The following SHISA9 variants were observed in gnomAD, a reference collection of about 807,000 sequenced individuals.
SHISA9 encodes the protein shisa family member 9.
A neutral mutation model predicts 38.0 loss-of-function variants in SHISA9; 13 were observed. That is an observed-to-expected ratio of 0.34 (90% CI 0.22 to 0.54). The LOEUF (loss-of-function observed/expected upper bound fraction) is 0.54. Ranked by LOEUF, SHISA9 falls within the 20% of genes least tolerant of loss-of-function variation. SHISA9 has a pLI of 0.91. For synonymous variants in SHISA9, 275 were observed against 242.0 expected, an observed-to-expected ratio of 1.14 and a Z score of -1.27; for missense variants, 538 against 575.8, an observed-to-expected ratio of 0.93 and a Z score of 0.67.
chr16:13,273,622 T>C, the SHISA9 span, among the ~76,000 whole-genome samples: 3 of 152,134 alleles, frequency 2.0e-5, no homozygotes, highest in African/African-American at 7.2e-5. Context: ...TTGCCCAGTA[T>C]TGGGTATGTC....
At chr16:12,965,673 C>T (rs1300158724) in intron 2 of SHISA9, among the ~76,000 whole-genome samples, 1 of 152,160 alleles carries the variant, frequency 6.6e-6, no homozygotes, top group Admixed American at 6.5e-5. Flanking sequence ...GTTTACTCCC[C>T]CTCCCACATC....
the SHISA9 span, among the ~76,000 whole-genome samples, chr16:13,351,222 AC>A: frequency 2.0e-5 from 3 of 152,116 alleles, no homozygotes; most frequent in Admixed American, 6.5e-5. Context: ...CTAGTCCCTT[AC>A]CTACACTGCC....
At chr16:13,243,175 G>A (rs2051447328), downstream of SHISA9, among the ~76,000 whole-genome samples, 1 of 151,852 alleles carries the variant, frequency 6.6e-6, no homozygotes, top group Non-Finnish European at 1.5e-5. Flanking sequence ...GGGAGGCAGA[G>A]TTTGCAGTGA....
intron 2 of SHISA9, among the ~76,000 whole-genome samples, chr16:13,065,461 G>C (rs2073423408): frequency 1.3e-5 from 2 of 152,198 alleles, no homozygotes. Flanking sequence ...TTTAGGGCAT[G>C]ACAAACTGAA....
At chr16:12,919,088 G>A (rs2071295104) in intron 2 of SHISA9, among the ~76,000 whole-genome samples, 1 of 152,158 alleles carries the variant, frequency 6.6e-6, no homozygotes, top group Non-Finnish European at 1.5e-5. Flanking sequence ...GATGATTTGA[G>A]GAGTGCATTG....
chr16:13,363,043 C>T, the SHISA9 span, among the ~76,000 whole-genome samples: 3 of 152,184 alleles, frequency 2.0e-5, no homozygotes, highest in Non-Finnish European at 4.4e-5. Flanking sequence ...TCATTGAACT[C>T]AGAAAACTAG....
chr16:13,070,719 C>A (rs1378617777), intron 2 of SHISA9, among the ~76,000 whole-genome samples: 1 of 152,088 alleles, frequency 6.6e-6, no homozygotes, highest in Non-Finnish European at 1.5e-5. Flanking sequence ...CATTAGCAAA[C>A]CTATGCAGTT....
At chr16:13,224,177 G>C (rs1282380405) in intron 4 of SHISA9, among the ~76,000 whole-genome samples, 1 of 152,190 alleles carries the variant, frequency 6.6e-6, no homozygotes. Context: ...ATTGACAAGA[G>C]TGGGGAAATA....
At chr16:13,300,441 T>C in the SHISA9 span, among the ~76,000 whole-genome samples, 1 of 152,202 alleles carries the variant, frequency 6.6e-6, no homozygotes, top group South Asian at 2.1e-4. Context: ...TATTCCTGCA[T>C]TTCCCTCGAC....
chr16:13,286,479 G>A, the SHISA9 span, among the ~76,000 whole-genome samples: 220 of 152,214 alleles, frequency 1.4e-3, no homozygotes, highest in Non-Finnish European at 1.8e-3. Context: ...ACAGTCAAGA[G>A]CCCGCATAAA....
At chr16:12,916,322 G>C (rs2071256490) in intron 1 of SHISA9, among the ~76,000 whole-genome samples, 1 of 152,042 alleles carries the variant, frequency 6.6e-6, no homozygotes, top group South Asian at 2.1e-4. Flanking sequence ...ACTAATACTG[G>C]GCCATTGCTG....
At chr16:13,309,291 G>C in the SHISA9 span, among the ~76,000 whole-genome samples, 1 of 152,096 alleles carries the variant, frequency 6.6e-6, no homozygotes, top group African/African-American at 2.4e-5. Context: ...AACCACCATA[G>C]CACACGTTTA....
chr16:13,013,943 A>G (rs1334948854), intron 2 of SHISA9, among the ~76,000 whole-genome samples: 1 of 151,958 alleles, frequency 6.6e-6, no homozygotes, highest in Non-Finnish European at 1.5e-5. Flanking sequence ...GTTAGCCAGG[A>G]TGGTCTCGAT....
At chr16:13,562,798 T>C in the SHISA9 span, 49 of 152,220 alleles carry the variant, frequency 3.2e-4, no homozygotes, top group African/African-American at 1.1e-3. Context: ...TCCACCAGAC[T>C]GTTGGATGCA....
chr16:12,970,814 G>A (rs933792431), intron 2 of SHISA9, among the ~76,000 whole-genome samples: 7 of 151,874 alleles, frequency 4.6e-5, no homozygotes, highest in Non-Finnish European at 5.9e-5. Flanking sequence ...GTGAGCCACC[G>A]CGCCTGGCCG....
chr16:12,938,102 G>T (rs1372610897), intron 2 of SHISA9, among the ~76,000 whole-genome samples: 1 of 152,210 alleles, frequency 6.6e-6, no homozygotes, highest in Non-Finnish European at 1.5e-5. Context: ...TGATTCTTAT[G>T]AGGCCATGGC....
chr16:13,235,305 A>C lies in SHISA9; in HGVS notation c.1171A>C (p.Thr391Pro), dbSNP rs750463303. ...TTACAGCAACAAGGGCAAGCTTGGC[A>C]CGGCCGAGACAGGCTCCAGCGACCC... ...QAYSNKGKLG[T>P]AETGSSDPLG... is the part of the protein sequence containing the mutation. The change falls in exon 5 of 5, where the codon ACG (threonine) becomes CCG (proline). Residue 391 changes from threonine (T) to proline (P), a missense_variant. Thr to Pro is a conservative substitution (Grantham distance 38). This residue lies in a region of SHISA9 where 326 missense variants were observed against 305.9 expected (regional missense o/e 1.07). Transcript: ENST00000558583. The C allele has an allele frequency of 2.3e-5, 35 of 1,550,666 alleles. No homozygotes were observed. The highest frequency in any genetic ancestry group is 3.0e-5 in the Non-Finnish European group (34 of 1,146,998).
the SHISA9 span, among the ~76,000 whole-genome samples, chr16:13,259,752 A>G: frequency 3.9e-5 from 6 of 152,294 alleles, no homozygotes; most frequent in East Asian, 9.7e-4. Context: ...CCATGGCTGG[A>G]AAGGCTGGGA....
the SHISA9 span, among the ~76,000 whole-genome samples, chr16:13,370,382 G>T: frequency 5.3e-5 from 8 of 152,170 alleles, no homozygotes; most frequent in Non-Finnish European, 5.9e-5. Flanking sequence ...CCTGGAACAA[G>T]AAATGCCTTG....
Sources: gnomAD v4.1 joint callset for allele counts (sites outside exome capture counted in the v4.1 genomes callset) on GRCh38, gnomAD v4.1.1 for gene constraint, gnomAD v4.1.1 regional missense constraint, MANE v1.5 for transcripts, NCBI Gene and HGNC (gene_info 2026-07-23, HGNC 2026-07-21) for gene names.